STAU1: variants seen among roughly 807,000 people sequenced by gnomAD.
STAU1 encodes the protein staufen double-stranded RNA binding protein 1, also known as double-stranded RNA-binding protein Staufen homolog 1.
STAU1 carries 13 observed loss-of-function variants against 62.9 expected under a neutral mutation model. That is an observed-to-expected ratio of 0.21 (90% CI 0.13 to 0.33). STAU1 has a LOEUF of 0.33. Among genes scored for constraint, STAU1 ranks in the 10% least tolerant of loss-of-function variants. STAU1 has a pLI of 1.00. For missense variants in STAU1, 571 were observed against 712.1 expected (o/e 0.80, Z 2.25); for synonymous variants, 269 against 265.1 (o/e 1.01, Z -0.14).
the STAU1 span, among the ~76,000 whole-genome samples, chr20:49,195,918 G>GAAAAAAAAAA: frequency 1.3e-5 from 1 of 74,426 alleles, no homozygotes; most frequent in Non-Finnish European, 2.8e-5. Flanking sequence ...AAAAAAAAAA[G>GAAAAAAAAAA]AAAAAAGAAA....
chr20:49,201,117 G>C, the STAU1 span, among the ~76,000 whole-genome samples: 1 of 142,920 alleles, frequency 7.0e-6, no homozygotes, highest in Non-Finnish European at 1.5e-5. Context: ...AGATCAGTGA[G>C]ATCAGTGGTT....
intron 6 of STAU1, among the ~76,000 whole-genome samples, chr20:49,125,015 A>G (rs906302691): frequency 1.3e-5 from 2 of 148,800 alleles, no homozygotes; most frequent in Non-Finnish European, 3.0e-5. Flanking sequence ...GCCACAAAAG[A>G]GAACGAGACA....
At chr20:49,169,234 G>A (rs549263997) in intron 2 of STAU1, among the ~76,000 whole-genome samples, 5 of 152,250 alleles carry the variant, frequency 3.3e-5, no homozygotes, top group Middle Eastern at 6.8e-3. Flanking sequence ...ACAGGCATGA[G>A]CCACTGCGCC....
At chr20:49,209,087 C>T in the STAU1 span, among the ~76,000 whole-genome samples, 34 of 151,874 alleles carry the variant, frequency 2.2e-4, no homozygotes, top group African/African-American at 6.3e-4. Flanking sequence ...AGGCACATAC[C>T]GCCACGCCCA....
Position 49,117,149 on chromosome 20 carries a change from C to T in STAU1, c.1609G>A (p.Asp537Asn). ...ACCATATCATGGCAGGACTCCACAT[C>T]CTTGCCGATACCATGGCTGATCAGA... ...PPLISHGIGK[D>N]VESCHDMAAL... Residue 537 changes from aspartate to asparagine, a missense_variant, in exon 12 of 14, where the codon GAT (aspartate) becomes AAT (asparagine). This residue lies in a region of STAU1 where 156 missense variants were observed against 194.7 expected (regional missense o/e 0.80). Coordinates refer to ENST00000371856, the MANE Select transcript of STAU1 (RefSeq NM_017453.4). The surrounding 1 kb of genome is among the most constrained non-coding windows in gnomAD (Gnocchi z 4.6). The T allele has an allele frequency of 6.2e-7, 1 of 1,614,188 alleles. No individual in the cohort carries two copies. Among genetic ancestry groups the T allele is most frequent in the Non-Finnish European group, 8.5e-7 (1 of 1,180,024 alleles).
At chr20:49,215,174 C>T in the STAU1 span, among the ~76,000 whole-genome samples, 2 of 152,176 alleles carry the variant, frequency 1.3e-5, no homozygotes, top group Admixed American at 6.6e-5. Context: ...CACTTTGGGG[C>T]TTTTGCACTT....
rs2093108678 is a variant in STAU1 at position 49,145,457 on chromosome 20, G to A, written c.510+6125C>T. Among the ~76,000 whole-genome samples the A allele has an allele frequency of 3.7e-5, 5 of 133,884 alleles. No homozygotes were observed. In the Admixed American group the frequency reaches 4.1e-4, roughly 11 times the overall value. 87.8% of individuals were successfully genotyped at this position (133,884 alleles called of 152,430 possible). ...AAAAAAAAAAAAAAAAAAAGACCAA[G>A]CGTGGTGGCTCACGTCTGTAATCCC... On this transcript the variant is annotated intron_variant, in intron 5 of 13. Coordinates refer to ENST00000371856, the MANE Select transcript of STAU1 (RefSeq NM_017453.4).
At chr20:49,217,935 G>T in the STAU1 span, among the ~76,000 whole-genome samples, 1 of 150,458 alleles carries the variant, frequency 6.6e-6, no homozygotes, top group Non-Finnish European at 1.5e-5. Flanking sequence ...GTGCAATGGT[G>T]TGATCTCAGC....
rs111340937 is a variant in STAU1, at chr20:49,140,002, A to G, written c.511-4071T>C. Among the ~76,000 whole-genome samples, 20 of 152,208 alleles carry G rather than the reference A, an allele frequency of 1.3e-4. 2 individuals are homozygous for G. Among genetic ancestry groups the G allele is most frequent in the African/African-American group, 4.8e-4 (20 of 41,546 alleles). On this transcript the variant is annotated intron_variant, in intron 5 of 13. Transcript: ENST00000371856. The stretch of plus-strand genomic sequence containing the variant: ...GGAGTTCGAGACCAGCCTGGCCAAC[A>G]TGGTGAAACACCATCTCTACTAAAA...
intron 3 of STAU1, chr20:49,158,330 C>T (rs1256537389): frequency 2.7e-6 from 2 of 731,318 alleles, no homozygotes; most frequent in Non-Finnish European, 4.1e-6. Flanking sequence ...CTGATGTAAT[C>T]ACTGAATATC....
chr20:49,183,653 T>A (rs946471874), intron 1 of STAU1, among the ~76,000 whole-genome samples: 2 of 152,218 alleles, frequency 1.3e-5, no homozygotes, highest in African/African-American at 4.8e-5. Flanking sequence ...TCCATTTTGA[T>A]AACACCCAGA....
the STAU1 span, among the ~76,000 whole-genome samples, chr20:49,202,911 G>A: frequency 2.7e-5 from 4 of 150,846 alleles, no homozygotes; most frequent in Non-Finnish European, 4.4e-5. Context: ...AAGGTGGTAC[G>A]CCTGCCTGTA....
the STAU1 span, among the ~76,000 whole-genome samples, chr20:49,201,820 A>C: frequency 6.6e-6 from 1 of 152,154 alleles, no homozygotes; most frequent in East Asian, 1.9e-4. Context: ...TACATGTCAG[A>C]AATTTGGAGA....
chr20:49,206,009 A>C, the STAU1 span, among the ~76,000 whole-genome samples: 1 of 125,518 alleles, frequency 8.0e-6, no homozygotes, highest in South Asian at 2.5e-4. Flanking sequence ...TTTGAGACAG[A>C]GTCTAGCTCT....
At chr20:49,116,321 T>C (rs899534698) in intron 12 of STAU1, among the ~76,000 whole-genome samples, 2 of 152,098 alleles carry the variant, frequency 1.3e-5, no homozygotes, top group Non-Finnish European at 2.9e-5. Context: ...TTTCTTCTTA[T>C]TACATTATCT....
intron 6 of STAU1, among the ~76,000 whole-genome samples, chr20:49,130,759 T>C (rs191074470): frequency 6.6e-6 from 1 of 151,886 alleles, no homozygotes; most frequent in East Asian, 1.9e-4. Flanking sequence ...CCCTGAGGGG[T>C]GGGTGTGGTG....
chr20:49,138,213 G>A (rs925473512), intron 5 of STAU1, among the ~76,000 whole-genome samples: 4 of 152,108 alleles, frequency 2.6e-5, no homozygotes, highest in African/African-American at 9.7e-5. Flanking sequence ...AGCCTAGGGT[G>A]TTGAGGCTGA....
intron 6 of STAU1, among the ~76,000 whole-genome samples, chr20:49,131,182 T>C (rs576715156): frequency 2.0e-4 from 31 of 152,300 alleles, no homozygotes; most frequent in Non-Finnish European, 4.4e-4. Context: ...AACATGTCAA[T>C]GTCATGAAAC....
chr20:49,172,989 C>CA (rs144927195), intron 2 of STAU1, among the ~76,000 whole-genome samples: 6,484 of 127,880 alleles, frequency 0.051, 456 homozygotes, highest in African/African-American at 0.15. Flanking sequence ...GCCATTCTCC[C>CA]GCCCCCCAAC....
Sources: gnomAD v4.1 joint callset for allele counts (sites outside exome capture counted in the v4.1 genomes callset) on GRCh38, gnomAD v4.1.1 for gene constraint, gnomAD v4.1.1 regional missense constraint, Gnocchi (gnomAD v3.1) non-coding constraint, MANE v1.5 for transcripts, NCBI Gene and HGNC (gene_info 2026-07-23, HGNC 2026-07-21) for gene names.